The following PTPRR variants were observed in gnomAD, a reference collection of about 807,000 sequenced individuals.
The protein encoded by PTPRR is protein tyrosine phosphatase receptor type R.
PTPRR carries 38 observed loss-of-function variants against 77.2 expected under a neutral mutation model. The ratio of observed to expected loss-of-function variants is 0.49; its 90% CI spans 0.38 to 0.65. The LOEUF (loss-of-function observed/expected upper bound fraction) is 0.65, where lower values mean the gene tolerates loss of function less well. Ranked by LOEUF, PTPRR falls within the 30% of genes least tolerant of loss-of-function variation. PTPRR has a pLI of 0.00. For missense variants in PTPRR, 744 were observed against 799.2 expected (o/e 0.93, Z 0.83); for synonymous variants, 299 against 283.1 (o/e 1.06, Z -0.57).
chr12:70,706,135 AG>A (rs1888611527), intron 6 of PTPRR, among the ~76,000 whole-genome samples: 1 of 152,136 alleles, frequency 6.6e-6, no homozygotes, highest in Admixed American at 6.6e-5. Flanking sequence ...TGAGTGGCAT[AG>A]GCAGTTTTTG....
intron 13 of PTPRR, 27 bp downstream of exon 13, chr12:70,656,677 C>T: frequency 6.6e-7 from 1 of 1,517,464 alleles, no homozygotes; most frequent in South Asian, 1.1e-5. Flanking sequence ...AAACAGTGCT[C>T]TGAAGGCAAG....
chr12:70,909,413 AAT>A (rs201553300), intron 1 of PTPRR, among the ~76,000 whole-genome samples: 1,726 of 152,198 alleles, frequency 0.011, 24 homozygotes, highest in African/African-American at 0.039. Flanking sequence ...TTTTTTCTAA[AAT>A]TTATCTGCTT....
Position 70,754,720 on chromosome 12 carries a change from C to G in PTPRR, c.628-419G>C, listed in dbSNP as rs533967285. ...GCTGTACTACCTCTTTACTTTTAAA[C>G]AAAAGTGAAACAAGTGCAAACAAAA... On this transcript the variant is annotated intron_variant, in intron 4 of 13. Coordinates refer to ENST00000283228, the MANE Select transcript of PTPRR (RefSeq NM_002849.4). 54 of 1,584,012 alleles carry G rather than the reference C, an allele frequency of 3.4e-5. 1 individual carries two copies. The South Asian group carries it at 5.5e-4, about 16-fold the overall frequency.
At chr12:70,749,578 T>A (rs1481041258) in intron 5 of PTPRR, among the ~76,000 whole-genome samples, 2 of 152,224 alleles carry the variant, frequency 1.3e-5, no homozygotes, top group Non-Finnish European at 2.9e-5. Context: ...CTGGTCCTAG[T>A]TCCCTTCATC....
intron 2 of PTPRR, among the ~76,000 whole-genome samples, chr12:70,868,587 T>A (rs1238934324): frequency 2.0e-5 from 3 of 152,078 alleles, no homozygotes; most frequent in Non-Finnish European, 4.4e-5. Flanking sequence ...ACACTGTTGG[T>A]GGGACTGTAA....
intron 2 of PTPRR, among the ~76,000 whole-genome samples, chr12:70,814,604 C>T (rs1205690450): frequency 1.3e-5 from 2 of 152,172 alleles, no homozygotes; most frequent in East Asian, 3.9e-4. Flanking sequence ...TGCTAGCAGG[C>T]TAGCAGGCTC....
chr12:70,661,284 T>C (rs1886791012), intron 11 of PTPRR, 187 bp from the exon 12 acceptor site: 3 of 710,958 alleles, frequency 4.2e-6, no homozygotes, highest in Non-Finnish European at 2.5e-6. Flanking sequence ...CAGTAACCTG[T>C]TTGCAAAGTG....
intron 6 of PTPRR, among the ~76,000 whole-genome samples, chr12:70,737,486 ATATCTATCTATCTATC>A (rs10643938): frequency 1.0e-4 from 15 of 144,242 alleles, no homozygotes; most frequent in Admixed American, 3.5e-4. Flanking sequence ...TATTTAATGA[ATATCTATCTATCTATC>A]TATCTATCTA....
At chr12:70,849,212 T>C (rs1338655246) in intron 2 of PTPRR, among the ~76,000 whole-genome samples, 2 of 152,072 alleles carry the variant, frequency 1.3e-5, no homozygotes, top group East Asian at 1.9e-4. Context: ...ATTTGAACCA[T>C]GGAAGTAGAT....
intron 2 of PTPRR, among the ~76,000 whole-genome samples, chr12:70,840,319 T>C (rs755944621): frequency 1.2e-4 from 18 of 152,168 alleles, no homozygotes; most frequent in Admixed American, 7.2e-4. Context: ...TGCATTATTC[T>C]GACGTCCTCT....
chr12:70,800,266 CTCTT>C (rs1891591099), intron 2 of PTPRR, among the ~76,000 whole-genome samples: 1 of 144,732 alleles, frequency 6.9e-6, no homozygotes. Flanking sequence ...ACTGTTCTCT[CTCTT>C]TTTTTTTTTT....
intron 2 of PTPRR, among the ~76,000 whole-genome samples, chr12:70,830,044 C>T (rs766641954): frequency 7.2e-5 from 11 of 152,060 alleles, no homozygotes; most frequent in Non-Finnish European, 1.2e-4. Flanking sequence ...AGGTCCAGCA[C>T]TCATTCTCCT....
At chr12:70,748,005 G>T (rs766986625) in intron 5 of PTPRR, among the ~76,000 whole-genome samples, 10 of 152,126 alleles carry the variant, frequency 6.6e-5, no homozygotes, top group Non-Finnish European at 1.3e-4. Context: ...AGGGTGTGGG[G>T]GAAGGAGAAG....
intron 4 of PTPRR, among the ~76,000 whole-genome samples, chr12:70,757,655 C>A (rs1890593853): frequency 6.6e-6 from 1 of 152,216 alleles, no homozygotes; most frequent in East Asian, 1.9e-4. Context: ...CAATAAAAAA[C>A]CATATCCTTC....
intron 6 of PTPRR, among the ~76,000 whole-genome samples, chr12:70,736,608 A>G (rs1317288620): frequency 6.6e-6 from 1 of 152,202 alleles, no homozygotes; most frequent in Admixed American, 6.5e-5. Context: ...GAGGGGATAA[A>G]AAGTCCCTTG....
At chr12:70,639,511 A>G (rs956581593) in intron 13 of PTPRR, 2 of 1,251,030 alleles carry the variant, frequency 1.6e-6, no homozygotes, top group South Asian at 2.1e-5. Flanking sequence ...CACGTGATTA[A>G]TTTTTACCTG....
intron 2 of PTPRR, among the ~76,000 whole-genome samples, chr12:70,843,771 G>C (rs1381281664): frequency 1.3e-5 from 2 of 151,026 alleles, no homozygotes; most frequent in East Asian, 3.9e-4. Flanking sequence ...ATTAAGTTGA[G>C]AGCTTTGAAA....
intron 10 of PTPRR, among the ~76,000 whole-genome samples, chr12:70,681,133 G>A (rs1592666975): frequency 6.6e-6 from 1 of 152,168 alleles, no homozygotes; most frequent in Non-Finnish European, 1.5e-5. Flanking sequence ...TTCCCAGGGG[G>A]TAGGGAGCTG....
At chr12:70,690,995 C>A (rs1012518620) in intron 8 of PTPRR, among the ~76,000 whole-genome samples, 1 of 152,096 alleles carries the variant, frequency 6.6e-6, no homozygotes, top group Non-Finnish European at 1.5e-5. Flanking sequence ...ATGTCTACTG[C>A]ACTGATTTAA....
Sources: gnomAD v4.1 joint callset for allele counts (sites outside exome capture counted in the v4.1 genomes callset) on GRCh38, gnomAD v4.1.1 for gene constraint, MANE v1.5 for transcripts, NCBI Gene and HGNC (gene_info 2026-07-23, HGNC 2026-07-21) for gene names.